Variants in NSUN6 observed in about 807,000 individuals in gnomAD.
The protein encoded by NSUN6 is NOP2/Sun RNA methyltransferase 6.
In NSUN6, 64 loss-of-function variants were observed where a neutral mutation model predicts 58.0. The ratio of observed to expected loss-of-function variants is 1.10; its 90% CI spans 0.90 to 1.36. The LOEUF is 1.36. Ranked by LOEUF, NSUN6 falls within the 40% of genes most tolerant of loss-of-function variation. The pLI is 0.00. For missense variants in NSUN6, 701 were observed against 550.1 expected (o/e 1.27, Z -2.74); for synonymous variants, 231 against 193.9 (o/e 1.19, Z -1.59).
intron 5 of NSUN6, among the ~76,000 whole-genome samples, chr10:18,610,278 G>GCCT (rs1313098683): frequency 6.6e-6 from 1 of 152,104 alleles, no homozygotes; most frequent in Non-Finnish European, 1.5e-5. Flanking sequence ...AACCTGGGAG[G>GCCT]CAGAGGTTGC....
At chr10:18,596,964 T>C (rs2057612984) in intron 6 of NSUN6, among the ~76,000 whole-genome samples, 1 of 152,166 alleles carries the variant, frequency 6.6e-6, no homozygotes. Context: ...TTAAGATGCC[T>C]TGTTTTATGC....
At chr10:18,579,629 G>A (rs1206822349) in intron 8 of NSUN6, among the ~76,000 whole-genome samples, 1 of 152,140 alleles carries the variant, frequency 6.6e-6, no homozygotes, top group Non-Finnish European at 1.5e-5. Flanking sequence ...ATGTGCCCCA[G>A]GTGGTTGGGG....
chr10:18,651,675 T>C (rs1590211522), upstream of NSUN6: 1 of 985,636 alleles, frequency 1.0e-6, no homozygotes, highest in Non-Finnish European at 1.2e-6. Flanking sequence ...CCCCTCCCTT[T>C]CCGGTCCCCC....
At chr10:18,546,444 C>T (rs891099616) in intron 10 of NSUN6, among the ~76,000 whole-genome samples, 1 of 152,164 alleles carries the variant, frequency 6.6e-6, no homozygotes, top group South Asian at 2.1e-4. Context: ...CAAATTGCAG[C>T]TCTACCACAT....
chr10:18,572,727 C>T (rs1294026470), intron 8 of NSUN6, among the ~76,000 whole-genome samples: 1 of 150,024 alleles, frequency 6.7e-6, no homozygotes, highest in African/African-American at 2.5e-5. Flanking sequence ...CCATTCCATT[C>T]CACATCCTCC....
chr10:18,588,514 C>A (rs2131141332), intron 7 of NSUN6, among the ~76,000 whole-genome samples: 1 of 152,328 alleles, frequency 6.6e-6, no homozygotes, highest in East Asian at 1.9e-4. Flanking sequence ...TCGACAGACA[C>A]CTCATGCAGG....
intron 8 of NSUN6, among the ~76,000 whole-genome samples, chr10:18,575,988 A>G (rs2056629301): frequency 1.3e-5 from 2 of 152,134 alleles, no homozygotes; most frequent in African/African-American, 4.8e-5. Context: ...CAGCCTGGGA[A>G]GGTTCTTACT....
At chr10:18,587,450 C>T (rs774800059) in intron 7 of NSUN6, among the ~76,000 whole-genome samples, 19 of 152,220 alleles carry the variant, frequency 1.2e-4, no homozygotes, top group Admixed American at 3.3e-4. Context: ...TATAGTAACA[C>T]TTTAAGTCAA....
intron 3 of NSUN6, among the ~76,000 whole-genome samples, chr10:18,638,156 A>C (rs1041262483): frequency 1.3e-5 from 2 of 152,156 alleles, no homozygotes; most frequent in African/African-American, 4.8e-5. Context: ...GAAATGGCAA[A>C]AGTTGGCCAG....
In NSUN6 at chr10:18,596,343, T is replaced by A. The variant is rs1013631205; in HGVS notation, c.658-16A>T. 1 of 1,517,034 alleles carries A rather than the reference T, an allele frequency of 6.6e-7. No individual in the cohort carries two copies. Among genetic ancestry groups the A allele is most frequent in the Non-Finnish European group, 9.2e-7 (1 of 1,092,788 alleles). The allele number at this position is 1,517,034 out of a possible 1,614,324, so 94.0% of individuals were successfully genotyped here. On this transcript the variant is annotated splice_polypyrimidine_tract_variant and intron_variant, in intron 6 of 10. Transcript: ENST00000377304. ...ATGGCAAATTCTATAAGGAAAAAAA[T>A]GTAATCGATTATCAATAATCCTAAA...
chr10:18,557,538 A>T (rs1589841279), intron 8 of NSUN6, among the ~76,000 whole-genome samples: 1 of 151,370 alleles, frequency 6.6e-6, no homozygotes, highest in East Asian at 2.0e-4. Flanking sequence ...AATGGAATGG[A>T]ATGGATGATG....
intron 8 of NSUN6, among the ~76,000 whole-genome samples, chr10:18,570,045 A>G (rs2056246652): frequency 1.4e-5 from 2 of 142,660 alleles, no homozygotes; most frequent in South Asian, 4.5e-4. Context: ...TCCATTCTCC[A>G]TTCCATTCTA....
chr10:18,573,360 A>G (rs1449356414), intron 8 of NSUN6, among the ~76,000 whole-genome samples: 2 of 145,118 alleles, frequency 1.4e-5, no homozygotes, highest in African/African-American at 5.1e-5. Context: ...TCCTCATTCA[A>G]TTTCCAATTC....
At chr10:18,553,288 C>G (rs1047711033) in intron 8 of NSUN6, among the ~76,000 whole-genome samples, 1 of 151,700 alleles carries the variant, frequency 6.6e-6, no homozygotes, top group Admixed American at 6.6e-5. Flanking sequence ...TTCTCTATTC[C>G]GTTCCGTTCT....
chr10:18,565,179 G>T (rs1173130277), intron 8 of NSUN6, among the ~76,000 whole-genome samples: 1 of 144,032 alleles, frequency 6.9e-6, no homozygotes, highest in African/African-American at 2.6e-5. Context: ...TTCATTCTCT[G>T]TTCCATTATT....
chr10:18,597,212 G>T (rs1782732052), intron 6 of NSUN6, among the ~76,000 whole-genome samples: 1 of 152,022 alleles, frequency 6.6e-6, no homozygotes, highest in Admixed American at 6.6e-5. Flanking sequence ...ATTATATAAG[G>T]ACTACTTACT....
rs143943089 is a variant in NSUN6 at position 18,554,459 on chromosome 10, G to A, written c.923-2488C>T. ...ACGGAATGGAATGAACAATGGAATG[G>A]GGAATGGAATGGAGTGGAGAATGGA... is the stretch of plus-strand genomic sequence containing the variant. On this transcript the variant is annotated intron_variant, in intron 8 of 10. Coordinates refer to ENST00000377304, the MANE Select transcript of NSUN6 (RefSeq NM_182543.5). 6.7e-3 allele frequency among the ~76,000 whole-genome samples: 1,012 copies of A among 151,384 alleles called. 37 individuals are homozygous for A. The highest frequency in any genetic ancestry group is 0.056 in the Admixed American group (844 of 15,150).
chr10:18,643,983 A>G (rs2059464652), intron 2 of NSUN6, among the ~76,000 whole-genome samples: 1 of 152,216 alleles, frequency 6.6e-6, no homozygotes. Context: ...GCTTCTTTTA[A>G]TGTTGGTTTC....
At chr10:18,633,643 A>T (rs2059114812) in intron 3 of NSUN6, among the ~76,000 whole-genome samples, 1 of 152,126 alleles carries the variant, frequency 6.6e-6, no homozygotes, top group Non-Finnish European at 1.5e-5. Context: ...TAGTGAAAAA[A>T]AAATCAGAAT....
Sources: allele counts gnomAD v4.1 joint callset (sites outside exome capture counted in the v4.1 genomes callset), GRCh38; gene constraint gnomAD v4.1.1; transcripts MANE v1.5; gene names NCBI Gene and HGNC (gene_info 2026-07-23, HGNC 2026-07-21).